ATP2C1: variants seen among roughly 807,000 people sequenced by gnomAD.
ATP2C1 encodes calcium-transporting ATPase type 2C member 1.
A neutral mutation model predicts 120.5 loss-of-function variants in ATP2C1; 31 were observed. The observed-to-expected ratio is 0.26, with a 90% CI of 0.19 to 0.35. ATP2C1 has a LOEUF of 0.35. ATP2C1 is among the 10% of genes least tolerant of loss of function. ATP2C1 has a pLI of 1.00. For synonymous variants in ATP2C1, 351 were observed against 358.7 expected, an observed-to-expected ratio of 0.98 and a Z score of 0.24; for missense variants, 731 against 1,107.5, an observed-to-expected ratio of 0.66 and a Z score of 4.83.
chr3:130,931,901 T>C, intron 3 of ATP2C1, 121 bp from the exon 4 acceptor site: 1 of 701,004 alleles, frequency 1.4e-6, no homozygotes, highest in South Asian at 1.6e-5. Context: ...GCTCTCATAA[T>C]AGACTAGTTT....
At chr3:130,957,133 C>T (rs1323114674) in intron 11 of ATP2C1, among the ~76,000 whole-genome samples, 1 of 152,066 alleles carries the variant, frequency 6.6e-6, no homozygotes, top group Non-Finnish European at 1.5e-5. Flanking sequence ...TGCAAAAATT[C>T]AAAAAATTGC....
upstream of ATP2C1, among the ~76,000 whole-genome samples, chr3:130,889,240 T>C (rs1236516898): frequency 1.3e-5 from 2 of 152,188 alleles, no homozygotes; most frequent in Non-Finnish European, 1.5e-5. Context: ...AGAAAACCCA[T>C]GTAGACACAG....
intron 20 of ATP2C1, among the ~76,000 whole-genome samples, chr3:130,984,880 G>C (rs1415604614): frequency 1.3e-5 from 2 of 152,034 alleles, no homozygotes; most frequent in African/African-American, 4.8e-5. Flanking sequence ...AGTTTTGCAA[G>C]CATTTGCAAG....
At chr3:130,852,365 T>C (rs969858754) in intron 1 of ATP2C1, among the ~76,000 whole-genome samples, 1 of 152,168 alleles carries the variant, frequency 6.6e-6, no homozygotes, top group Non-Finnish European at 1.5e-5. Flanking sequence ...ATTGTAAGTT[T>C]TCAGAGATGT....
chr3:130,851,258 C>T (rs948348683), intron 1 of ATP2C1, among the ~76,000 whole-genome samples: 1 of 152,176 alleles, frequency 6.6e-6, no homozygotes, highest in Admixed American at 6.5e-5. Context: ...CTATTAATAT[C>T]TCAACAAAGA....
intron 2 of ATP2C1, among the ~76,000 whole-genome samples, chr3:130,929,292 C>G (rs2059354479): frequency 6.6e-6 from 1 of 152,148 alleles, no homozygotes; most frequent in African/African-American, 2.4e-5. Context: ...GAAACTCAGT[C>G]ATACTGAGAG....
intron 1 of ATP2C1, among the ~76,000 whole-genome samples, chr3:130,888,881 T>G (rs1363614418): frequency 6.6e-6 from 1 of 152,220 alleles, no homozygotes; most frequent in Non-Finnish European, 1.5e-5. Flanking sequence ...AATGTGTTGT[T>G]CCTGTCGGGG....
intron 2 of ATP2C1, among the ~76,000 whole-genome samples, chr3:130,928,631 A>G (rs538605269): frequency 1.2e-4 from 18 of 152,322 alleles, no homozygotes; most frequent in Non-Finnish European, 2.1e-4. Flanking sequence ...TGTTGGAAGA[A>G]AAGTATTAAT....
At chr3:130,917,600 T>G (rs2058744352) in intron 2 of ATP2C1, among the ~76,000 whole-genome samples, 1 of 152,240 alleles carries the variant, frequency 6.6e-6, no homozygotes. Context: ...AAAACACTAG[T>G]AAAACTTGGG....
At chr3:130,950,276 C>A (rs891662664) in intron 8 of ATP2C1, among the ~76,000 whole-genome samples, 1 of 152,120 alleles carries the variant, frequency 6.6e-6, no homozygotes, top group African/African-American at 2.4e-5. Context: ...CTCCACCAGA[C>A]TGCTTGAAGA....
intron 20 of ATP2C1, among the ~76,000 whole-genome samples, chr3:130,984,840 A>G (rs974016938): frequency 6.6e-6 from 1 of 152,256 alleles, no homozygotes; most frequent in African/African-American, 2.4e-5. Context: ...GTCACTTTAT[A>G]CAAAATAAGC....
intron 20 of ATP2C1, among the ~76,000 whole-genome samples, chr3:130,988,113 G>T (rs1025500970): frequency 1.3e-5 from 2 of 152,072 alleles, no homozygotes; most frequent in Admixed American, 1.3e-4. Flanking sequence ...TTTTTAATAG[G>T]TTGTAAACCT....
intron 1 of ATP2C1, among the ~76,000 whole-genome samples, chr3:130,886,400 G>C (rs1234183039): frequency 6.6e-6 from 1 of 152,004 alleles, no homozygotes; most frequent in African/African-American, 2.4e-5. Flanking sequence ...GAAGTTTTCT[G>C]GTATCATCCC....
chr3:130,923,431 C>G (rs77356941), intron 2 of ATP2C1, among the ~76,000 whole-genome samples: 10,349 of 151,946 alleles, frequency 0.068, 1,137 homozygotes, highest in African/African-American at 0.23. Context: ...TTTCACCATG[C>G]TGGTCTCGAA....
Position 130,946,884 on chromosome 3 carries a change from C to T in ATP2C1, c.531+5185C>T, listed in dbSNP as rs966027753. On this transcript the variant is annotated intron_variant, in intron 8 of 27. Transcript: ENST00000510168. ...AATCAGTCTGTTATGAAACCATTTT[C>T]GCCATTTAGCACATATTTGAAAACC... Among the ~76,000 whole-genome samples the T allele has an allele frequency of 3.8e-4, 58 of 152,198 alleles. 1 individual carries two copies. Among genetic ancestry groups the T allele is most frequent in the African/African-American group, 1.4e-3 (56 of 41,442 alleles).
At chr3:130,855,043 C>T (rs1415168059) in intron 1 of ATP2C1, among the ~76,000 whole-genome samples, 1 of 152,168 alleles carries the variant, frequency 6.6e-6, no homozygotes, top group Non-Finnish European at 1.5e-5. Flanking sequence ...TCTCTTTTTC[C>T]CTTTCTCCCC....
chr3:130,978,142 G>T (rs578027215), intron 18 of ATP2C1, among the ~76,000 whole-genome samples: 1 of 152,136 alleles, frequency 6.6e-6, no homozygotes, highest in Non-Finnish European at 1.5e-5. Context: ...GTTACCATCA[G>T]CCTCTATCCT....
chr3:130,903,740 C>CCTTTCCTTTCCTTTCCTTTCCTTTCCT (rs2057987581), intron 2 of ATP2C1, among the ~76,000 whole-genome samples: 1 of 116,468 alleles, frequency 8.6e-6, no homozygotes, highest in African/African-American at 4.1e-5. Context: ...TCCTTTCCAT[C>CCTTTCCTTTCCTTTCCTTTCCTTTCCT]TTCTGTATTG....
chr3:130,892,039 C>T (rs1251978843), upstream of ATP2C1, among the ~76,000 whole-genome samples: 1 of 151,908 alleles, frequency 6.6e-6, no homozygotes, highest in East Asian at 1.9e-4. Context: ...ATTTAGGGGA[C>T]CAAAAGTAAA....
Sources: allele counts gnomAD v4.1 joint callset (sites outside exome capture counted in the v4.1 genomes callset), GRCh38; gene constraint gnomAD v4.1.1; transcripts MANE v1.5; gene names NCBI Gene and HGNC (gene_info 2026-07-23, HGNC 2026-07-21).